The following RBFOX1 variants were observed in gnomAD, a reference collection of about 807,000 sequenced individuals.
RBFOX1 encodes RNA binding protein fox-1 homolog 1.
A neutral mutation model predicts 57.7 loss-of-function variants in RBFOX1; 8 were observed. The observed-to-expected ratio is 0.14, with a 90% CI of 0.08 to 0.25. The LOEUF (loss-of-function observed/expected upper bound fraction) is 0.25. RBFOX1 is among the 10% of genes least tolerant of loss of function. The pLI is 1.00. For missense variants in RBFOX1, 611 were observed against 548.5 expected (o/e 1.11, Z -1.14); for synonymous variants, 326 against 222.4 (o/e 1.47, Z -4.15).
rs2096588050 is a variant in RBFOX1, at chr16:6,126,155, A to G, written c.-127+106163A>G. ...CCAGGAAATCAAATCCGAGGGATTA[A>G]ATACCCCATTTGAAATGTAATGGAG... On this transcript the variant is annotated intron_variant, in intron 1 of 15. Transcript: ENST00000550418. Among the ~76,000 whole-genome samples the G allele has an allele frequency of 2.0e-5, 3 of 152,346 alleles. No homozygotes were observed. In the South Asian group the frequency reaches 6.2e-4, roughly 32 times the overall value.
intron 3 of RBFOX1, among the ~76,000 whole-genome samples, chr16:5,824,518 T>G (rs1229472908): frequency 6.6e-6 from 1 of 152,236 alleles, no homozygotes; most frequent in Non-Finnish European, 1.5e-5. Flanking sequence ...AGGGTGACTT[T>G]AGGCTGGTCA....
chr16:6,969,743 C>CAAAT (rs927511996), intron 3 of RBFOX1, among the ~76,000 whole-genome samples: 1 of 151,878 alleles, frequency 6.6e-6, no homozygotes, highest in Non-Finnish European at 1.5e-5. Context: ...GACCCTGTCT[C>CAAAT]AAATAAATAA....
chr16:5,929,893 C>G (rs978319474), intron 4 of RBFOX1, among the ~76,000 whole-genome samples: 2 of 134,032 alleles, frequency 1.5e-5, no homozygotes, highest in African/African-American at 2.7e-5. Flanking sequence ...AGAATTAATT[C>G]TTAATGAGGG....
At chr16:5,797,692 G>T (rs567083798) in intron 3 of RBFOX1, among the ~76,000 whole-genome samples, 2 of 152,272 alleles carry the variant, frequency 1.3e-5, no homozygotes, top group African/African-American at 4.8e-5. Flanking sequence ...GCCAGATTGT[G>T]GTCAGAGGCC....
intron 14 of RBFOX1, among the ~76,000 whole-genome samples, chr16:7,707,360 C>G (rs552989783): frequency 6.6e-6 from 1 of 152,216 alleles, no homozygotes; most frequent in South Asian, 2.1e-4. Flanking sequence ...TATCACTTAT[C>G]TACCAACCAT....
At chr16:5,525,491 ATTTTTTTT>A (rs71404528) in intron 2 of RBFOX1, among the ~76,000 whole-genome samples, 14 of 78,274 alleles carry the variant, frequency 1.8e-4, no homozygotes, top group East Asian at 4.0e-4. Flanking sequence ...AGCCGACACT[ATTTTTTTT>A]TTTTTTTTTT....
chr16:5,483,482 C>G (rs188610669), intron 2 of RBFOX1, among the ~76,000 whole-genome samples: 6 of 152,332 alleles, frequency 3.9e-5, no homozygotes, highest in African/African-American at 1.4e-4. Context: ...CCTTCCGGAT[C>G]TAATTGTGTC....
rs531139322 is a variant in RBFOX1, at chr16:7,566,165, A to G, written c.271-13612A>G. On this transcript the variant is annotated intron_variant, in intron 5 of 15. Coordinates refer to ENST00000550418, the MANE Select transcript of RBFOX1 (RefSeq NM_018723.4). ...ATTTGATAGAGTGTTTATCCATAGG[A>G]TGCTTATTCTAATAAGAAAACCTGT... Among the ~76,000 whole-genome samples, 20 of 152,226 alleles carry G rather than the reference A, an allele frequency of 1.3e-4. No homozygotes were observed. In the South Asian group the frequency reaches 4.1e-3, roughly 32 times the overall value.
At chr16:6,977,831 G>A (rs1459634289) in intron 3 of RBFOX1, among the ~76,000 whole-genome samples, 1 of 150,024 alleles carries the variant, frequency 6.7e-6, no homozygotes, top group Non-Finnish European at 1.5e-5. Context: ...CTTATTTGCA[G>A]TATCTTGAAA....
chr16:7,555,097 G>C (rs1311984594), intron 5 of RBFOX1, among the ~76,000 whole-genome samples: 1 of 152,096 alleles, frequency 6.6e-6, no homozygotes, highest in Non-Finnish European at 1.5e-5. Context: ...TAGGGTAAGG[G>C]GGGGTTTTTA....
chr16:6,928,139 G>T (rs1235214059), intron 3 of RBFOX1, among the ~76,000 whole-genome samples: 3 of 152,148 alleles, frequency 2.0e-5, no homozygotes, highest in Admixed American at 6.5e-5. Context: ...CTTAGTGTGT[G>T]TGATTGGGGT....
At chr16:7,539,314 G>A (rs1231131468) in intron 5 of RBFOX1, among the ~76,000 whole-genome samples, 1 of 152,162 alleles carries the variant, frequency 6.6e-6, no homozygotes, top group Non-Finnish European at 1.5e-5. Context: ...AGTCCAGCAA[G>A]AGAAGACAGT....
intron 14 of RBFOX1, among the ~76,000 whole-genome samples, chr16:7,702,043 C>T (rs1444234479): frequency 6.6e-6 from 1 of 152,160 alleles, no homozygotes; most frequent in Non-Finnish European, 1.5e-5. Flanking sequence ...ACTGAGATAA[C>T]TTGTCCTTTC....
chr16:5,962,672 G>C (rs1357892997), intron 4 of RBFOX1, among the ~76,000 whole-genome samples: 1 of 152,102 alleles, frequency 6.6e-6, no homozygotes, highest in African/African-American at 2.4e-5. Context: ...CTAACAGATC[G>C]TAGAAGGTGA....
At chr16:6,304,092 G>A (rs1336970372) in intron 1 of RBFOX1, among the ~76,000 whole-genome samples, 1 of 151,536 alleles carries the variant, frequency 6.6e-6, no homozygotes, top group African/African-American at 2.4e-5. Flanking sequence ...TTACAGGTGT[G>A]AGCCACTGCG....
At chr16:7,446,469 A>G (rs1298219424) in intron 4 of RBFOX1, among the ~76,000 whole-genome samples, 2 of 152,208 alleles carry the variant, frequency 1.3e-5, no homozygotes, top group Admixed American at 6.5e-5. Flanking sequence ...GAGTGCTCAC[A>G]TTTGCCTGCC....
rs1050051035 is a variant in RBFOX1 at position 6,529,555 on chromosome 16, AAAT to A, written c.-63-125035_-63-125033del. 3.8e-4 allele frequency among the ~76,000 whole-genome samples: 51 copies of A among 133,720 alleles called. No individual in the cohort carries two copies. The Middle Eastern group carries it at 0.014, about 38-fold the overall frequency. The allele number at this position is 133,720 out of a possible 152,430, so 87.7% of individuals were successfully genotyped here. On this transcript the variant is annotated intron_variant, in intron 2 of 15. Transcript: ENST00000550418. ...GCCTGGGTGACAGAGACTCCATCTC[AAAT>A]AATAATAATAATTATTATTAATAAT... is the stretch of plus-strand genomic sequence containing the variant.
intron 1 of RBFOX1, among the ~76,000 whole-genome samples, chr16:5,258,330 A>G (rs187827618): frequency 6.6e-6 from 1 of 152,312 alleles, no homozygotes; most frequent in Non-Finnish European, 1.5e-5. Context: ...TGAAGTATTT[A>G]AAAAATAGTT....
chr16:5,350,669 C>G (rs1487174641), intron 1 of RBFOX1, among the ~76,000 whole-genome samples: 1 of 152,112 alleles, frequency 6.6e-6, no homozygotes, highest in Non-Finnish European at 1.5e-5. Context: ...AGTTTGAGAC[C>G]AGCCTGGCCA....
Sources: allele counts gnomAD v4.1 joint callset (sites outside exome capture counted in the v4.1 genomes callset), GRCh38; gene constraint gnomAD v4.1.1; transcripts MANE v1.5; gene names NCBI Gene and HGNC (gene_info 2026-07-23, HGNC 2026-07-21).